Variants in MAF observed in about 807,000 individuals in gnomAD.
The protein encoded by MAF is MAF bZIP transcription factor, also known as transcription factor Maf.
MAF carries 10 observed loss-of-function variants against 22.0 expected under a neutral mutation model. The observed-to-expected ratio is 0.45, with a 90% CI of 0.28 to 0.77. The LOEUF is 0.77. Among genes scored for constraint, MAF ranks in the 30% least tolerant of loss-of-function variants. MAF has a pLI of 0.12. For missense variants in MAF, 544 were observed against 548.4 expected (o/e 0.99, Z 0.08); for synonymous variants, 337 against 255.8 (o/e 1.32, Z -3.03).
the MAF span, among the ~76,000 whole-genome samples, chr16:79,238,999 C>A: frequency 2.6e-4 from 40 of 151,970 alleles, no homozygotes; most frequent in African/African-American, 9.4e-4. Context: ...TTGTCCTCAC[C>A]GTGCTGGCTA....
the MAF span, among the ~76,000 whole-genome samples, chr16:79,227,737 T>C: frequency 6.6e-6 from 1 of 151,952 alleles, no homozygotes. Context: ...TTTTTAAACA[T>C]TGGAAAACAA....
chr16:79,311,415 A>G, the MAF span, among the ~76,000 whole-genome samples: 1 of 151,842 alleles, frequency 6.6e-6, no homozygotes, highest in Admixed American at 6.6e-5. Context: ...TGAGTTTTCC[A>G]GAGCTGTTTG....
chr16:79,465,725 G>T, the MAF span, among the ~76,000 whole-genome samples: 105 of 152,100 alleles, frequency 6.9e-4, 1 homozygote, highest in Non-Finnish European at 1.2e-3. Context: ...TGTGTCCTTG[G>T]CTGCATTACT....
At chr16:79,596,815 A>G (rs986376954) in intron 1 of MAF, 8 of 1,049,480 alleles carry the variant, frequency 7.6e-6, no homozygotes, top group Non-Finnish European at 9.2e-6. Flanking sequence ...AATCTGCATC[A>G]TCTTAAAACT....
At chr16:79,443,429 G>A in the MAF span, among the ~76,000 whole-genome samples, 57 of 152,296 alleles carry the variant, frequency 3.7e-4, no homozygotes, top group Admixed American at 6.5e-4. Flanking sequence ...TTCTGGTTCT[G>A]GGGACAGTCT....
At chr16:79,464,823 G>A in the MAF span, among the ~76,000 whole-genome samples, 7 of 152,234 alleles carry the variant, frequency 4.6e-5, no homozygotes, top group South Asian at 8.3e-4. Context: ...AGCAGATGGC[G>A]AATATGACAA....
the MAF span, among the ~76,000 whole-genome samples, chr16:79,357,967 A>G: frequency 1.3e-5 from 2 of 152,222 alleles, no homozygotes; most frequent in Non-Finnish European, 2.9e-5. Context: ...GTACAGAACA[A>G]CCAGCATTGC....
chr16:79,247,190 T>C, the MAF span, among the ~76,000 whole-genome samples: 7 of 152,162 alleles, frequency 4.6e-5, no homozygotes, highest in African/African-American at 1.4e-4. Flanking sequence ...GGTGAGCAAA[T>C]AGCCAGTGTG....
At chr16:79,397,192 G>C in the MAF span, among the ~76,000 whole-genome samples, 1 of 152,164 alleles carries the variant, frequency 6.6e-6, no homozygotes, top group African/African-American at 2.4e-5. Flanking sequence ...GCTTTGGTTT[G>C]AATCCTTTGG....
the MAF span, among the ~76,000 whole-genome samples, chr16:79,442,211 G>A: frequency 6.6e-6 from 1 of 152,158 alleles, no homozygotes; most frequent in African/African-American, 2.4e-5. Flanking sequence ...TCTAATATAG[G>A]GGATGAAAGG....
the MAF span, among the ~76,000 whole-genome samples, chr16:79,214,653 C>T: frequency 1.3e-5 from 2 of 150,868 alleles, no homozygotes; most frequent in Non-Finnish European, 2.9e-5. Flanking sequence ...GATCTGCCCT[C>T]CTCAGCCTCC....
At chr16:79,513,403 T>C in the MAF span, among the ~76,000 whole-genome samples, 2 of 152,320 alleles carry the variant, frequency 1.3e-5, no homozygotes, top group East Asian at 3.9e-4. Context: ...AGAATCACCT[T>C]ATGGAGCTGT....
chr16:79,390,987 G>A, the MAF span, among the ~76,000 whole-genome samples: 2 of 152,190 alleles, frequency 1.3e-5, no homozygotes, highest in Admixed American at 1.3e-4. Flanking sequence ...CGGGACAGAA[G>A]TGCATTGTCT....
chr16:79,410,078 C>A, the MAF span, among the ~76,000 whole-genome samples: 7 of 152,196 alleles, frequency 4.6e-5, no homozygotes, highest in African/African-American at 7.2e-5. Context: ...AGAGTCTTGG[C>A]GAATCCCAGT....
the MAF span, among the ~76,000 whole-genome samples, chr16:79,415,037 T>G: frequency 3.9e-5 from 6 of 152,316 alleles, no homozygotes; most frequent in East Asian, 1.2e-3. Flanking sequence ...TTGCATTTCA[T>G]TGAACAAAAC....
At chr16:79,589,832 C>T (rs1292423198), downstream of MAF, among the ~76,000 whole-genome samples, 2 of 152,190 alleles carry the variant, frequency 1.3e-5, no homozygotes, top group African/African-American at 2.4e-5. Flanking sequence ...CCCTGGGGCG[C>T]GCTGGGTGTG....
chr16:79,238,611 G>A, the MAF span, among the ~76,000 whole-genome samples: 1 of 151,946 alleles, frequency 6.6e-6, no homozygotes, highest in Non-Finnish European at 1.5e-5. Flanking sequence ...CTCTGGAAAT[G>A]GGAATGAGGT....
the MAF span, among the ~76,000 whole-genome samples, chr16:79,209,340 G>A: frequency 1.3e-5 from 2 of 152,306 alleles, no homozygotes; most frequent in East Asian, 1.9e-4. Flanking sequence ...AGAGTGCAAC[G>A]TGGTATCATT....
the MAF span, among the ~76,000 whole-genome samples, chr16:79,484,770 C>G: frequency 6.6e-6 from 1 of 152,070 alleles, no homozygotes; most frequent in Non-Finnish European, 1.5e-5. Flanking sequence ...CTGGCAGCTG[C>G]GGAAAAGGGG....
Sources: allele counts gnomAD v4.1 joint callset (sites outside exome capture counted in the v4.1 genomes callset), GRCh38; gene constraint gnomAD v4.1.1; transcripts MANE v1.5; gene names NCBI Gene and HGNC (gene_info 2026-07-23, HGNC 2026-07-21).